Variants in ARK2C observed in about 807,000 individuals in gnomAD.
The protein encoded by ARK2C is arkadia (RNF111) C-terminal like ring finger ubiquitin ligase 2C, also known as E3 ubiquitin-protein ligase ARK2C.
the ARK2C span, chr18:46,450,686 A>T: frequency 6.2e-7 from 1 of 1,602,154 alleles, no homozygotes; most frequent in Non-Finnish European, 8.6e-7. Flanking sequence ...ACACATGTGC[A>T]CATTTTTCTC....
chr18:46,430,802 T>C, the ARK2C span, among the ~76,000 whole-genome samples: 1 of 152,234 alleles, frequency 6.6e-6, no homozygotes. Flanking sequence ...TGTTGTTGCA[T>C]GGATCCAACA....
chr18:46,416,982 A>T, the ARK2C span, among the ~76,000 whole-genome samples: 1 of 152,346 alleles, frequency 6.6e-6, no homozygotes, highest in African/African-American at 2.4e-5. Context: ...GAGGGTAAGC[A>T]TACAAGGAGG....
chr18:46,450,157 C>T, the ARK2C span: 2 of 661,370 alleles, frequency 3.0e-6, no homozygotes, highest in Non-Finnish European at 5.5e-6. Flanking sequence ...AGAAAAGGGA[C>T]ATAAGAGCAG....
chr18:46,428,418 G>C, the ARK2C span, among the ~76,000 whole-genome samples: 39 of 151,932 alleles, frequency 2.6e-4, no homozygotes, highest in African/African-American at 8.7e-4. Flanking sequence ...AAAACAAAAA[G>C]AAAAACAAAA....
At chr18:46,442,638 A>T in the ARK2C span, among the ~76,000 whole-genome samples, 1 of 152,128 alleles carries the variant, frequency 6.6e-6, no homozygotes, top group African/African-American at 2.4e-5. Flanking sequence ...CTTATTGGAT[A>T]GAGTATTCTA....
the ARK2C span, among the ~76,000 whole-genome samples, chr18:46,424,453 C>T: frequency 6.6e-6 from 1 of 152,166 alleles, no homozygotes; most frequent in Admixed American, 6.5e-5. Context: ...TTTCGAAGGT[C>T]AGCGCTGGTC....
the ARK2C span, among the ~76,000 whole-genome samples, chr18:46,437,049 C>T: frequency 1.3e-5 from 2 of 151,738 alleles, no homozygotes; most frequent in Admixed American, 1.3e-4. Context: ...AGCCAAACCT[C>T]CTTGTCTTTC....
chr18:46,424,217 C>CAGG, the ARK2C span, among the ~76,000 whole-genome samples: 1 of 152,162 alleles, frequency 6.6e-6, no homozygotes, highest in Non-Finnish European at 1.5e-5. Flanking sequence ...CAGGGTTGGA[C>CAGG]AGGATGCAAT....
chr18:46,334,593 C>T, the ARK2C span: 2 of 482,858 alleles, frequency 4.1e-6, no homozygotes, highest in Non-Finnish European at 7.2e-6. This position sits in a 1 kb window ranked among gnomAD's most constrained non-coding sequence, Gnocchi z 4.4. Flanking sequence ...TTTTTTGCGG[C>T]GGACGTGGTT....
the ARK2C span, among the ~76,000 whole-genome samples, chr18:46,398,490 A>G: frequency 5.1e-4 from 77 of 152,158 alleles, 1 homozygote; most frequent in African/African-American, 1.9e-3. Context: ...AAGCTGACAC[A>G]GGTGAGACAA....
At chr18:46,425,233 C>G in the ARK2C span, among the ~76,000 whole-genome samples, 2 of 152,180 alleles carry the variant, frequency 1.3e-5, no homozygotes, top group Non-Finnish European at 2.9e-5. Flanking sequence ...CCCAGAGAAG[C>G]CTGGGAGGGT....
At chr18:46,363,945 CT>C in the ARK2C span, among the ~76,000 whole-genome samples, 143 of 125,556 alleles carry the variant, frequency 1.1e-3, no homozygotes, top group Non-Finnish European at 1.3e-3. Flanking sequence ...TTTTTCTTTT[CT>C]TTTTTTTTTT....
the ARK2C span, among the ~76,000 whole-genome samples, chr18:46,444,101 G>A: frequency 6.6e-6 from 1 of 151,788 alleles, no homozygotes. Context: ...TTGCTTTGTT[G>A]TTGATGGGAA....
chr18:46,336,304 A>G, the ARK2C span: 8 of 985,352 alleles, frequency 8.1e-6, no homozygotes, highest in Non-Finnish European at 9.6e-6. Context: ...CAGGATGCTG[A>G]TTCCATGTTT....
At chr18:46,453,214 G>A in the ARK2C span, among the ~76,000 whole-genome samples, 1 of 152,226 alleles carries the variant, frequency 6.6e-6, no homozygotes, top group Non-Finnish European at 1.5e-5. Context: ...GCTAATAGAG[G>A]AAATGGCAGC....
chr18:46,387,482 C>A, the ARK2C span, among the ~76,000 whole-genome samples: 1 of 152,252 alleles, frequency 6.6e-6, no homozygotes, highest in Non-Finnish European at 1.5e-5. Context: ...TATTCCAGGA[C>A]TAGGGGAGAA....
At chr18:46,398,080 G>A in the ARK2C span, among the ~76,000 whole-genome samples, 94 of 147,472 alleles carry the variant, frequency 6.4e-4, 2 homozygotes, top group South Asian at 0.019. Context: ...TCATGCTGAC[G>A]TGTGAGGGTG....
At chr18:46,380,865 T>C in the ARK2C span, among the ~76,000 whole-genome samples, 1 of 152,100 alleles carries the variant, frequency 6.6e-6, no homozygotes, top group Non-Finnish European at 1.5e-5. Flanking sequence ...CAGCCTTCCT[T>C]CCCACGTCTC....
At chr18:46,337,672 G>T in the ARK2C span, 2 of 924,800 alleles carry the variant, frequency 2.2e-6, no homozygotes, top group Non-Finnish European at 2.6e-6. Flanking sequence ...TTTTTCTCTT[G>T]CTGTTTTCCC....
Sources: allele counts gnomAD v4.1 joint callset (sites outside exome capture counted in the v4.1 genomes callset), GRCh38; gene constraint gnomAD v4.1.1; non-coding constraint Gnocchi (gnomAD v3.1); transcripts MANE v1.5; gene names NCBI Gene and HGNC (gene_info 2026-07-23, HGNC 2026-07-21).